Variants in HYCC1 observed in about 807,000 individuals in gnomAD.
HYCC1 encodes the protein hyccin PI4KA lipid kinase complex subunit 1.
At chr7:22,976,900 A>G in the HYCC1 span, 5 of 763,842 alleles carry the variant, frequency 6.5e-6, no homozygotes, top group African/African-American at 8.6e-5. Flanking sequence ...AATAGCTACC[A>G]CGAACATCAT....
At chr7:22,976,780 G>T in the HYCC1 span, 1 of 1,613,098 alleles carries the variant, frequency 6.2e-7, no homozygotes, top group Non-Finnish European at 8.5e-7. Flanking sequence ...TGCACTCTCA[G>T]TCAGAGCCAT....
chr7:22,966,491 C>T, the HYCC1 span, among the ~76,000 whole-genome samples: 8 of 152,158 alleles, frequency 5.3e-5, no homozygotes, highest in African/African-American at 1.7e-4. Context: ...GGGGTTTCAC[C>T]ACGTTGGTCA....
the HYCC1 span, chr7:22,945,918 C>A: frequency 6.2e-7 from 1 of 1,613,858 alleles, no homozygotes; most frequent in Non-Finnish European, 8.5e-7. Context: ...TCACTTTGGG[C>A]TCTCTGAGTT....
chr7:22,897,479 A>G, the HYCC1 span, among the ~76,000 whole-genome samples: 1 of 152,212 alleles, frequency 6.6e-6, no homozygotes, highest in Non-Finnish European at 1.5e-5. Flanking sequence ...TGACTGTGGC[A>G]AGGGATGATG....
At chr7:22,951,113 T>C in the HYCC1 span, among the ~76,000 whole-genome samples, 2 of 152,038 alleles carry the variant, frequency 1.3e-5, no homozygotes, top group Admixed American at 1.3e-4. Flanking sequence ...AAAAATTTCT[T>C]CCAGCTTTAA....
At chr7:22,902,089 C>T in the HYCC1 span, among the ~76,000 whole-genome samples, 1 of 151,978 alleles carries the variant, frequency 6.6e-6, no homozygotes, top group African/African-American at 2.4e-5. Context: ...TGTCCAACCA[C>T]AATAGAATTA....
chr7:22,906,452 T>C, the HYCC1 span, among the ~76,000 whole-genome samples: 1 of 151,610 alleles, frequency 6.6e-6, no homozygotes, highest in Non-Finnish European at 1.5e-5. Flanking sequence ...GTAGCGTGTG[T>C]GTGTAATCCC....
At chr7:22,981,046 T>G in the HYCC1 span, among the ~76,000 whole-genome samples, 1 of 152,186 alleles carries the variant, frequency 6.6e-6, no homozygotes, top group South Asian at 2.1e-4. Flanking sequence ...TGGATCTTGA[T>G]TCAATCGCCA....
chr7:23,000,334 A>G, the HYCC1 span, among the ~76,000 whole-genome samples: 2 of 152,118 alleles, frequency 1.3e-5, no homozygotes, highest in Non-Finnish European at 2.9e-5. Flanking sequence ...CTCAACCAAG[A>G]AAAAGATATC....
the HYCC1 span, among the ~76,000 whole-genome samples, chr7:22,985,105 T>C: frequency 1.3e-5 from 2 of 152,098 alleles, no homozygotes; most frequent in African/African-American, 4.8e-5. Context: ...CCCAAATTAC[T>C]TCCTTCAGTC....
the HYCC1 span, among the ~76,000 whole-genome samples, chr7:22,907,203 G>C: frequency 6.6e-6 from 1 of 150,926 alleles, no homozygotes; most frequent in Non-Finnish European, 1.5e-5. Context: ...AAGAATAACG[G>C]TATCTAGGAG....
the HYCC1 span, among the ~76,000 whole-genome samples, chr7:22,914,317 C>G: frequency 6.6e-6 from 1 of 152,204 alleles, no homozygotes; most frequent in Non-Finnish European, 1.5e-5. Flanking sequence ...CTGCTCACCA[C>G]CCCCCTTCTC....
chr7:22,918,335 C>T, the HYCC1 span, among the ~76,000 whole-genome samples: 2 of 152,128 alleles, frequency 1.3e-5, no homozygotes, highest in East Asian at 1.9e-4. Flanking sequence ...ATGACAAATG[C>T]TATTTGTAAC....
chr7:23,013,045 C>G, the HYCC1 span, among the ~76,000 whole-genome samples: 1 of 152,160 alleles, frequency 6.6e-6, no homozygotes, highest in African/African-American at 2.4e-5. Context: ...AGAGCAGATT[C>G]TGTGCAGTAC....
chr7:22,916,601 C>T, the HYCC1 span, among the ~76,000 whole-genome samples: 2 of 152,150 alleles, frequency 1.3e-5, no homozygotes, highest in African/African-American at 4.8e-5. Context: ...ATTCCTGATA[C>T]CACACCTGAC....
chr7:22,967,555 T>C, the HYCC1 span, among the ~76,000 whole-genome samples: 1 of 152,180 alleles, frequency 6.6e-6, no homozygotes, highest in Admixed American at 6.5e-5. Context: ...AGATGTTTTG[T>C]TTTGTTTTAA....
chr7:22,926,218 C>G, the HYCC1 span, among the ~76,000 whole-genome samples: 25 of 152,232 alleles, frequency 1.6e-4, no homozygotes, highest in African/African-American at 5.8e-4. Flanking sequence ...GTACCAGCCA[C>G]TGCAAAAACA....
At chr7:22,976,981 A>G in the HYCC1 span, among the ~76,000 whole-genome samples, 2 of 152,198 alleles carry the variant, frequency 1.3e-5, no homozygotes, top group East Asian at 1.9e-4. Context: ...TTTAAAACAA[A>G]CCACAAATGA....
the HYCC1 span, among the ~76,000 whole-genome samples, chr7:22,965,290 T>C: frequency 6.6e-6 from 1 of 152,064 alleles, no homozygotes; most frequent in Non-Finnish European, 1.5e-5. Flanking sequence ...TCATGCAGTA[T>C]ACCATAATAA....
Sources: gnomAD v4.1 joint callset for allele counts (sites outside exome capture counted in the v4.1 genomes callset) on GRCh38, gnomAD v4.1.1 for gene constraint, MANE v1.5 for transcripts, NCBI Gene and HGNC (gene_info 2026-07-23, HGNC 2026-07-21) for gene names.